The following CDH12 variants were observed in gnomAD, a reference collection of about 807,000 sequenced individuals.
CDH12 encodes cadherin-12.
In CDH12, 41 loss-of-function variants were observed where a neutral mutation model predicts 74.1. That is an observed-to-expected ratio of 0.55 (90% confidence interval 0.43 to 0.72). CDH12 has a LOEUF of 0.72. CDH12 is among the 30% of genes least tolerant of loss of function. The pLI is 0.00. For missense variants in CDH12, 945 were observed against 977.2 expected (o/e 0.97, Z 0.44); for synonymous variants, 399 against 355.0 (o/e 1.12, Z -1.39).
intron 1 of CDH12, among the ~76,000 whole-genome samples, chr5:22,786,688 GC>G (rs2126367454): frequency 6.6e-6 from 1 of 152,048 alleles, no homozygotes; most frequent in South Asian, 2.1e-4. Flanking sequence ...GGAAGTCTAT[GC>G]CTACATTCTT....
intron 2 of CDH12, among the ~76,000 whole-genome samples, chr5:22,424,421 A>G (rs1303231713): frequency 6.6e-6 from 1 of 152,154 alleles, no homozygotes; most frequent in Non-Finnish European, 1.5e-5. Flanking sequence ...TGGCCCAGTT[A>G]CCCCTGCTGA....
chr5:22,499,575 A>G (rs1166676600), intron 2 of CDH12, among the ~76,000 whole-genome samples: 3 of 152,196 alleles, frequency 2.0e-5, no homozygotes, highest in African/African-American at 7.2e-5. Flanking sequence ...CAAAGAATAC[A>G]TACTTAATCC....
At chr5:22,550,472 T>C (rs536495566) in intron 1 of CDH12, among the ~76,000 whole-genome samples, 2 of 152,314 alleles carry the variant, frequency 1.3e-5, no homozygotes, top group East Asian at 3.9e-4. Context: ...CTCCATTGTT[T>C]GTCAAGGATA....
rs1744944754 is a variant in CDH12 at position 21,765,082 on chromosome 5, T to C, written c.1411A>G (p.Ser471Gly). 6.3e-7 allele frequency: 1 copy of C among 1,591,556 alleles called. No individual in the cohort carries two copies. Among genetic ancestry groups the C allele is most frequent in the Non-Finnish European group, 8.5e-7 (1 of 1,169,828 alleles). The change falls in exon 12 of 15, where the codon AGC (serine) becomes GGC (glycine). Residue 471 changes from serine (S) to glycine (G), a missense_variant. Ser to Gly is a moderately conservative substitution (Grantham distance 56, BLOSUM62 0). Transcript: ENST00000382254. ...ASKVSNPLLT[S>G]KVNILINVLD... ...ACATTAATCAGTATATTGACTTTGC[T>C]GGTCAATAAAGGGTTACCTGTTAAA...
At chr5:22,201,627 A>G (rs1455649247) in intron 4 of CDH12, among the ~76,000 whole-genome samples, 1 of 152,162 alleles carries the variant, frequency 6.6e-6, no homozygotes, top group African/African-American at 2.4e-5. Flanking sequence ...TATGCAATAT[A>G]TATTGCATAT....
chr5:22,510,894 A>AT (rs34007830), intron 1 of CDH12, among the ~76,000 whole-genome samples: 4,598 of 143,896 alleles, frequency 0.032, 93 homozygotes, highest in Non-Finnish European at 0.045. Flanking sequence ...AACATATATA[A>AT]TTTTTTTTTT....
intron 6 of CDH12, among the ~76,000 whole-genome samples, chr5:21,942,212 T>C (rs1323765045): frequency 6.6e-6 from 1 of 151,972 alleles, no homozygotes; most frequent in African/African-American, 2.4e-5. Flanking sequence ...TAGAAGCTCT[T>C]GATCTTCACC....
At chr5:22,644,088 CCCTG>C (rs1176756498) in intron 1 of CDH12, among the ~76,000 whole-genome samples, 2 of 151,966 alleles carry the variant, frequency 1.3e-5, no homozygotes, top group Non-Finnish European at 2.9e-5. Flanking sequence ...GCTCCGTATT[CCCTG>C]AGACACAGCA....
chr5:22,465,526 G>C (rs1745692681), intron 2 of CDH12, among the ~76,000 whole-genome samples: 1 of 152,060 alleles, frequency 6.6e-6, no homozygotes, highest in Admixed American at 6.5e-5. Flanking sequence ...CATACCTGTA[G>C]TCCTAGCTAC....
intron 11 of CDH12, among the ~76,000 whole-genome samples, chr5:21,766,462 G>A (rs541943690): frequency 8.6e-5 from 13 of 151,902 alleles, no homozygotes; most frequent in Admixed American, 2.6e-4. Flanking sequence ...TGTTTGGCCC[G>A]GTTTTCACAA....
intron 1 of CDH12, among the ~76,000 whole-genome samples, chr5:22,627,186 AT>A (rs1467620084): frequency 1.3e-5 from 2 of 152,226 alleles, no homozygotes; most frequent in Non-Finnish European, 2.9e-5. Flanking sequence ...ACCCACAAAT[AT>A]TTCCCAAACT....
chr5:22,616,924 G>A (rs1329828436), intron 1 of CDH12, among the ~76,000 whole-genome samples: 2 of 151,926 alleles, frequency 1.3e-5, no homozygotes, highest in Non-Finnish European at 2.9e-5. Flanking sequence ...AAGTGTAGTG[G>A]TGTGATCACA....
intron 1 of CDH12, among the ~76,000 whole-genome samples, chr5:22,685,269 G>T (rs1285794486): frequency 6.6e-6 from 1 of 151,282 alleles, no homozygotes. Context: ...ATGGAGTCTC[G>T]CCCTGTCGCC....
At chr5:22,248,112 C>G (rs1304321431) in intron 3 of CDH12, among the ~76,000 whole-genome samples, 1 of 152,118 alleles carries the variant, frequency 6.6e-6, no homozygotes, top group Non-Finnish European at 1.5e-5. Flanking sequence ...GCCTGGCCAA[C>G]ATGGTGGTAA....
At chr5:21,800,602 G>C (rs1185613670) in intron 10 of CDH12, among the ~76,000 whole-genome samples, 1 of 152,150 alleles carries the variant, frequency 6.6e-6, no homozygotes, top group Non-Finnish European at 1.5e-5. Context: ...TGGATCTGCT[G>C]GTCGCTTGAT....
At chr5:22,081,843 A>G (rs548838875) in intron 4 of CDH12, among the ~76,000 whole-genome samples, 61 of 152,346 alleles carry the variant, frequency 4.0e-4, no homozygotes, top group African/African-American at 1.4e-3. Context: ...ATCCACTCAC[A>G]TCACTTTCCA....
At chr5:22,229,800 G>A (rs1296144426) in intron 3 of CDH12, among the ~76,000 whole-genome samples, 2 of 151,946 alleles carry the variant, frequency 1.3e-5, no homozygotes, top group African/African-American at 4.8e-5. Flanking sequence ...TGTATTTAAT[G>A]TGCTTTGAGT....
intron 5 of CDH12, among the ~76,000 whole-genome samples, chr5:22,064,143 C>T (rs1741395513): frequency 1.3e-5 from 2 of 152,072 alleles, no homozygotes; most frequent in Non-Finnish European, 2.9e-5. Context: ...GATACATCTG[C>T]AACCAAATGT....
Position 22,029,139 on chromosome 5 carries a change from T to G in CDH12, c.231+49307A>C, listed in dbSNP as rs529304273. On this transcript the variant is annotated intron_variant, in intron 5 of 14. Coordinates refer to ENST00000382254, the MANE Select transcript of CDH12 (RefSeq NM_004061.5). ...AGATGGATTAAAGACTTAAATGTTA[T>G]ACCTAAAACCATAAAAACCCTAGAA... is the stretch of plus-strand genomic sequence containing the variant. 1.1e-4 allele frequency among the ~76,000 whole-genome samples: 16 copies of G among 152,186 alleles called. 1 individual carries two copies. Among genetic ancestry groups the G allele is most frequent in the South Asian group, 4.1e-4 (2 of 4,826 alleles).
Sources: gnomAD v4.1 joint callset for allele counts (sites outside exome capture counted in the v4.1 genomes callset) on GRCh38, gnomAD v4.1.1 for gene constraint, MANE v1.5 for transcripts, NCBI Gene and HGNC (gene_info 2026-07-23, HGNC 2026-07-21) for gene names.